The following NPSR1 variants were observed in gnomAD, a reference collection of about 807,000 sequenced individuals.
NPSR1 encodes the protein neuropeptide S receptor 1.
A neutral mutation model predicts 46.9 loss-of-function variants in NPSR1; 48 were observed. That is an observed-to-expected ratio of 1.02 (90% CI 0.81 to 1.30). The LOEUF (loss-of-function observed/expected upper bound fraction) is 1.30. Ranked by LOEUF, NPSR1 falls within the 50% of genes most tolerant of loss-of-function variation. The probability of loss-of-function intolerance (pLI) is 0.00; values close to 1 mark genes in which losing one functional copy is unlikely to be tolerated. For synonymous variants in NPSR1, 176 were observed against 168.1 expected (o/e 1.05, Z -0.36); for missense variants, 450 against 449.5 (o/e 1.00, Z -0.01).
At chr7:34,684,090 C>CATTAT (rs10650055) in intron 1 of NPSR1, among the ~76,000 whole-genome samples, 88,110 of 151,444 alleles carry the variant, frequency 0.58, 27,629 homozygotes, top group African/African-American at 0.83. Flanking sequence ...TCCCACTTAC[C>CATTAT]ATTATAGGTA....
intron 2 of NPSR1, among the ~76,000 whole-genome samples, chr7:34,725,409 T>C (rs994195464): frequency 5.3e-5 from 8 of 152,166 alleles, no homozygotes; most frequent in African/African-American, 1.9e-4. Flanking sequence ...GCCACTCTAG[T>C]TGGTAAGTGT....
intron 3 of NPSR1, among the ~76,000 whole-genome samples, chr7:34,797,809 C>A (rs183436240): frequency 6.6e-6 from 1 of 152,078 alleles, no homozygotes; most frequent in East Asian, 1.9e-4. Flanking sequence ...GATAAATAAA[C>A]AATAATAAGA....
At chr7:34,684,228 TA>T (rs1328084574) in intron 1 of NPSR1, among the ~76,000 whole-genome samples, 2 of 152,250 alleles carry the variant, frequency 1.3e-5, no homozygotes, top group Non-Finnish European at 2.9e-5. Context: ...AATTTCTTTT[TA>T]TAATAAACAT....
intron 1 of NPSR1, among the ~76,000 whole-genome samples, chr7:34,676,179 G>A (rs1227082298): frequency 6.6e-6 from 1 of 152,174 alleles, no homozygotes; most frequent in African/African-American, 2.4e-5. Flanking sequence ...ACAAACCTAA[G>A]GGAGGAGATA....
At chr7:34,683,915 C>G (rs1720024521) in intron 1 of NPSR1, among the ~76,000 whole-genome samples, 1 of 152,172 alleles carries the variant, frequency 6.6e-6, no homozygotes, top group Non-Finnish European at 1.5e-5. Context: ...TTCAGTAGAA[C>G]TTTAATATTA....
downstream of NPSR1, among the ~76,000 whole-genome samples, chr7:34,853,027 C>T (rs1584145333): frequency 6.6e-6 from 1 of 152,182 alleles, no homozygotes; most frequent in South Asian, 2.1e-4. Context: ...CCCACCTTTT[C>T]CCCCAGAAAA....
chr7:34,670,328 C>G (rs546097560), intron 1 of NPSR1, among the ~76,000 whole-genome samples: 1 of 152,036 alleles, frequency 6.6e-6, no homozygotes, highest in African/African-American at 2.4e-5. Context: ...CATATATGAA[C>G]TTAATGTTAC....
At chr7:34,779,407 G>C (rs1275128716) in intron 3 of NPSR1, 4 of 287,746 alleles carry the variant, frequency 1.4e-5, no homozygotes, top group African/African-American at 8.8e-5. Flanking sequence ...AATTATTATA[G>C]CTTTATGTAT....
chr7:34,793,682 A>G (rs1788041495), intron 3 of NPSR1, among the ~76,000 whole-genome samples: 1 of 152,148 alleles, frequency 6.6e-6, no homozygotes, highest in African/African-American at 2.4e-5. Context: ...AAAATTAAAA[A>G]TTGAACTGCC....
intron 2 of NPSR1, among the ~76,000 whole-genome samples, chr7:34,695,122 C>T (rs537548303): frequency 1.2e-4 from 18 of 152,254 alleles, no homozygotes; most frequent in Middle Eastern, 6.8e-3. Context: ...AATAGACACA[C>T]AGATCAATGA....
At chr7:34,736,835 A>G (rs578004800) in intron 2 of NPSR1, among the ~76,000 whole-genome samples, 2 of 152,272 alleles carry the variant, frequency 1.3e-5, no homozygotes, top group South Asian at 4.1e-4. Context: ...TAGAACTCAA[A>G]TAAGTCACAG....
intron 4 of NPSR1, among the ~76,000 whole-genome samples, chr7:34,819,434 G>A (rs1037440845): frequency 3.3e-5 from 5 of 152,242 alleles, no homozygotes; most frequent in Non-Finnish European, 5.9e-5. Flanking sequence ...TGGAGAGGAT[G>A]TGGAGAAATA....
chr7:34,838,054 T>A (rs2128761417), intron 6 of NPSR1, among the ~76,000 whole-genome samples: 1 of 152,218 alleles, frequency 6.6e-6, no homozygotes, highest in Non-Finnish European at 1.5e-5. Context: ...GAGCACTCAC[T>A]CTCACTGTCT....
chr7:34,854,104 A>G (rs1469538145), downstream of NPSR1, among the ~76,000 whole-genome samples: 3 of 152,260 alleles, frequency 2.0e-5, no homozygotes, highest in African/African-American at 7.2e-5. Flanking sequence ...AGTCATTGAT[A>G]CACCAAGAAT....
chr7:34,778,109 A>G (rs1010286085), intron 2 of NPSR1, among the ~76,000 whole-genome samples: 4 of 152,096 alleles, frequency 2.6e-5, no homozygotes, highest in African/African-American at 9.7e-5. Context: ...GCTTTTCTCA[A>G]TTTTGTCCTC....
At chr7:34,805,783 T>C (rs577978706) in intron 3 of NPSR1, among the ~76,000 whole-genome samples, 1 of 151,956 alleles carries the variant, frequency 6.6e-6, no homozygotes, top group East Asian at 1.9e-4. Flanking sequence ...CTGCAGAATA[T>C]ATATTTCATA....
chr7:34,695,559 C>G (rs1333430385), intron 2 of NPSR1, among the ~76,000 whole-genome samples: 2 of 152,078 alleles, frequency 1.3e-5, no homozygotes, highest in Non-Finnish European at 2.9e-5. Flanking sequence ...ATTTCTCCAA[C>G]AAATGACTAA....
chr7:34,863,054 A>C (rs893619732), intron 8 of NPSR1, among the ~76,000 whole-genome samples: 1 of 151,802 alleles, frequency 6.6e-6, no homozygotes, highest in Non-Finnish European at 1.5e-5. Context: ...ATGGAACAGA[A>C]CAGAGGCCTC....
chr7:34,792,621 ATGTG>A (rs200693311), intron 3 of NPSR1, among the ~76,000 whole-genome samples: 73 of 117,436 alleles, frequency 6.2e-4, no homozygotes, highest in South Asian at 1.8e-3. Context: ...ATATGTGTAT[ATGTG>A]TGTGTGTGTG....
Sources: allele counts gnomAD v4.1 joint callset (sites outside exome capture counted in the v4.1 genomes callset), GRCh38; gene constraint gnomAD v4.1.1; transcripts MANE v1.5; gene names NCBI Gene and HGNC (gene_info 2026-07-23, HGNC 2026-07-21).